CCDC60: variants seen among roughly 807,000 people sequenced by gnomAD.
CCDC60 encodes the protein coiled-coil domain containing 60.
Under a neutral mutation model 63.5 loss-of-function variants are expected in CCDC60, and 54 were observed. The observed-to-expected ratio is 0.85, with a 90% CI of 0.68 to 1.07. CCDC60 has a LOEUF of 1.07. Ranked by LOEUF, CCDC60 falls within the 50% of genes least tolerant of loss-of-function variation. The pLI, the probability that CCDC60 is intolerant of heterozygous loss-of-function variation, is 0.00. For missense variants in CCDC60, 651 were observed against 684.3 expected, an observed-to-expected ratio of 0.95 and a Z score of 0.54; for synonymous variants, 206 against 238.8, an observed-to-expected ratio of 0.86 and a Z score of 1.27.
chr12:119,346,312 A>G (rs958745009), intron 1 of CCDC60, among the ~76,000 whole-genome samples: 3 of 152,160 alleles, frequency 2.0e-5, no homozygotes, highest in African/African-American at 4.8e-5. Context: ...TGAACTCTTC[A>G]ATCCAGTGTG....
chr12:119,361,492 A>G (rs1955790470), intron 1 of CCDC60, among the ~76,000 whole-genome samples: 1 of 152,092 alleles, frequency 6.6e-6, no homozygotes, highest in Non-Finnish European at 1.5e-5. Flanking sequence ...CCAGGTTTAA[A>G]TTCTTCTGGC....
At chr12:119,471,545 CT>C (rs1951058504) in intron 2 of CCDC60, among the ~76,000 whole-genome samples, 1 of 152,148 alleles carries the variant, frequency 6.6e-6, no homozygotes, top group Non-Finnish European at 1.5e-5. Context: ...TAAGTGGGCA[CT>C]CCATAAACAT....
At chr12:119,525,374 A>T (rs976707190) in intron 11 of CCDC60, among the ~76,000 whole-genome samples, 16 of 152,232 alleles carry the variant, frequency 1.1e-4, no homozygotes, top group Admixed American at 2.6e-4. Context: ...GTCATAATGA[A>T]GAATGTTAAA....
At chr12:119,472,713 TG>T (rs1263431259) in intron 3 of CCDC60, among the ~76,000 whole-genome samples, 1 of 151,682 alleles carries the variant, frequency 6.6e-6, no homozygotes, top group African/African-American at 2.4e-5. Flanking sequence ...CCCAAGTAGC[TG>T]GGATTACAGG....
intron 1 of CCDC60, among the ~76,000 whole-genome samples, chr12:119,338,511 C>T (rs930749725): frequency 1.3e-5 from 2 of 152,158 alleles, no homozygotes; most frequent in African/African-American, 4.8e-5. Context: ...GGGCACCCAA[C>T]GGGCAAGGAA....
At chr12:119,504,473 C>T (rs1267305580) in intron 6 of CCDC60, among the ~76,000 whole-genome samples, 1 of 152,180 alleles carries the variant, frequency 6.6e-6, no homozygotes, top group East Asian at 1.9e-4. Flanking sequence ...TGGCTCCTCC[C>T]CCAAGAATGC....
intron 1 of CCDC60, among the ~76,000 whole-genome samples, chr12:119,349,388 C>T (rs1955631662): frequency 1.4e-5 from 2 of 144,876 alleles, no homozygotes; most frequent in South Asian, 4.5e-4. Flanking sequence ...CTCTGTTGCC[C>T]AGGCTAGAGT....
rs1566019573 is a variant in CCDC60 at position 119,456,052 on chromosome 12, A to AAGCAAGC, written c.171-15941_171-15940insGCAAGCA. On this transcript the variant is annotated intron_variant, in intron 2 of 13. Coordinates refer to ENST00000327554, the MANE Select transcript of CCDC60 (RefSeq NM_178499.5). The surrounding 1 kb of genome is among the most constrained non-coding windows in gnomAD (Gnocchi z 4.6). The stretch of plus-strand genomic sequence containing the variant: ...GAAAGAAAGAAAGAAAGAAAGAAAG[A>AAGCAAGC]AAGAAAGAAAGCAAGCAAGCATGTG... Among the ~76,000 whole-genome samples, 60 of 114,032 alleles carry AAGCAAGC rather than the reference A, an allele frequency of 5.3e-4. 1 individual carries two copies. Among genetic ancestry groups the AAGCAAGC allele is most frequent in the East Asian group, 2.3e-3 (5 of 2,182 alleles). 74.8% of individuals were successfully genotyped at this position (114,032 alleles called of 152,430 possible).
chr12:119,346,724 G>A (rs1000082184), intron 1 of CCDC60, among the ~76,000 whole-genome samples: 1 of 147,148 alleles, frequency 6.8e-6, no homozygotes, highest in African/African-American at 2.4e-5. Flanking sequence ...CACAGCTAAG[G>A]ATGAGAAGAA....
At chr12:119,465,731 C>T (rs111863308) in intron 2 of CCDC60, among the ~76,000 whole-genome samples, 2,397 of 149,798 alleles carry the variant, frequency 0.016, 66 homozygotes, top group African/African-American at 0.055. Context: ...GCACTCCAGC[C>T]TCAGTGACAG....
intron 1 of CCDC60, among the ~76,000 whole-genome samples, chr12:119,398,114 G>A (rs1159906143): frequency 4.9e-5 from 6 of 123,446 alleles, no homozygotes; most frequent in African/African-American, 1.5e-4. Context: ...GTGGGGGGAG[G>A]AAGGGGTGGC....
At chr12:119,423,799 G>A (rs1284135048) in intron 1 of CCDC60, among the ~76,000 whole-genome samples, 1 of 152,026 alleles carries the variant, frequency 6.6e-6, no homozygotes, top group Admixed American at 6.6e-5. Flanking sequence ...TCCCTTTGTT[G>A]AACTACCTGT....
chr12:119,510,016 G>T (rs1952170726), intron 7 of CCDC60, among the ~76,000 whole-genome samples: 1 of 152,012 alleles, frequency 6.6e-6, no homozygotes, highest in African/African-American at 2.4e-5. Context: ...GCCCCTGAAG[G>T]CCACCTGAGT....
intron 2 of CCDC60, among the ~76,000 whole-genome samples, chr12:119,462,980 C>T (rs76675362): frequency 0.071 from 10,845 of 152,128 alleles, 525 homozygotes; most frequent in East Asian, 0.17. Context: ...CTTGCCACCA[C>T]GCCCAGCTAA....
At chr12:119,423,014 G>T (rs764835790) in intron 1 of CCDC60, among the ~76,000 whole-genome samples, 2 of 152,126 alleles carry the variant, frequency 1.3e-5, no homozygotes, top group Non-Finnish European at 2.9e-5. Context: ...TATGTTACCG[G>T]GGTAGGGAGA....
At chr12:119,423,961 C>T (rs1956858462) in intron 1 of CCDC60, among the ~76,000 whole-genome samples, 1 of 152,118 alleles carries the variant, frequency 6.6e-6, no homozygotes, top group African/African-American at 2.4e-5. Context: ...GTCAAAATTG[C>T]TTTACAAACA....
At chr12:119,469,357 G>A (rs1032259767) in intron 2 of CCDC60, among the ~76,000 whole-genome samples, 9 of 152,168 alleles carry the variant, frequency 5.9e-5, no homozygotes, top group South Asian at 2.1e-4. Flanking sequence ...TCCGCCTCCC[G>A]GGTTCCAGTG....
intron 1 of CCDC60, among the ~76,000 whole-genome samples, chr12:119,343,454 C>T (rs559645380): frequency 2.6e-5 from 4 of 152,076 alleles, no homozygotes; most frequent in Non-Finnish European, 4.4e-5. Flanking sequence ...CAGAGAGAGA[C>T]TATCCCTCAT....
chr12:119,468,241 G>A (rs767398038), intron 2 of CCDC60, among the ~76,000 whole-genome samples: 11 of 152,144 alleles, frequency 7.2e-5, no homozygotes, highest in East Asian at 3.9e-4. Flanking sequence ...GCAGTGAGCC[G>A]AGATCGCACC....
Sources: gnomAD v4.1 joint callset for allele counts (sites outside exome capture counted in the v4.1 genomes callset) on GRCh38, gnomAD v4.1.1 for gene constraint, Gnocchi (gnomAD v3.1) non-coding constraint, MANE v1.5 for transcripts, NCBI Gene and HGNC (gene_info 2026-07-23, HGNC 2026-07-21) for gene names.